LRP2: variants seen among roughly 807,000 people sequenced by gnomAD.
LRP2 encodes the protein low-density lipoprotein receptor-related protein 2.
In LRP2, 172 loss-of-function variants were observed where a neutral mutation model predicts 531.0. The ratio of observed to expected loss-of-function variants is 0.32; its 90% CI spans 0.29 to 0.37. The LOEUF (loss-of-function observed/expected upper bound fraction) is 0.37, where lower values mean the gene tolerates loss of function less well. Among genes scored for constraint, LRP2 ranks in the 10% least tolerant of loss-of-function variants. LRP2 has a pLI of 1.00. For synonymous variants in LRP2, 1,992 were observed against 2,027.6 expected (o/e 0.98, Z 0.47); for missense variants, 5,167 against 5,868.3 (o/e 0.88, Z 3.90).
rs771503315 is a variant in LRP2, at chr2:169,247,430, A to G, written c.2856T>C (p.Ser952=). ...TCAAATGCAGTATGTAAGCAATGCC[A>G]CTTCGGATAACTGTCATTTCTCCAC... ...ADGGEMTVIR[S]GIAYILHLKS... The change falls in exon 20 of 79, where the codon AGT becomes AGC. Residue 952 remains serine, a synonymous_variant. Coordinates refer to ENST00000649046, the MANE Select transcript of LRP2 (RefSeq NM_004525.3). The G allele has an allele frequency of 1.2e-6, 2 of 1,614,138 alleles. No homozygotes were observed. The highest frequency in any genetic ancestry group is 2.2e-5 in the South Asian group (2 of 91,084).
intron 17 of LRP2, among the ~76,000 whole-genome samples, chr2:169,258,388 T>C (rs1183115240): frequency 1.3e-5 from 2 of 152,160 alleles, no homozygotes. Context: ...GGATGTTCCC[T>C]GGGTAATCAG....
chr2:169,270,823 A>G (rs1683392322), intron 16 of LRP2, 81 bp downstream of exon 16: 5 of 820,374 alleles, frequency 6.1e-6, no homozygotes, highest in Non-Finnish European at 9.5e-6. Flanking sequence ...ACTGAGTTTT[A>G]ATTATCAAGT....
chr2:169,171,843 C>A (rs1687015396), intron 58 of LRP2, among the ~76,000 whole-genome samples, 172 bp downstream of exon 58: 1 of 152,166 alleles, frequency 6.6e-6, no homozygotes, highest in Non-Finnish European at 1.5e-5. Flanking sequence ...ATGCTTATGT[C>A]TTTAGTGGAA....
intron 16 of LRP2, among the ~76,000 whole-genome samples, chr2:169,270,170 A>T (rs1683364955): frequency 6.6e-6 from 1 of 152,214 alleles, no homozygotes; most frequent in African/African-American, 2.4e-5. Flanking sequence ...ACTGTAAACT[A>T]GTTCAACCAT....
intron 46 of LRP2, among the ~76,000 whole-genome samples, chr2:169,196,019 G>A (rs1162257665): frequency 4.6e-5 from 7 of 152,132 alleles, no homozygotes; most frequent in Admixed American, 4.6e-4. Flanking sequence ...TAATAATAGA[G>A]GCAGTTAATT....
chr2:169,204,524 A>G (rs1455093264), intron 41 of LRP2, among the ~76,000 whole-genome samples: 6 of 152,242 alleles, frequency 3.9e-5, no homozygotes, highest in African/African-American at 1.4e-4. Flanking sequence ...GGTTGATATT[A>G]GAAACAGGAA....
At chr2:169,135,797 G>T (rs1379239067) in intron 76 of LRP2, among the ~76,000 whole-genome samples, 1 of 152,040 alleles carries the variant, frequency 6.6e-6, no homozygotes, top group Non-Finnish European at 1.5e-5. Flanking sequence ...GACCAACTTG[G>T]ACTGCACCCC....
intron 4 of LRP2, among the ~76,000 whole-genome samples, chr2:169,299,695 G>C (rs1006546095): frequency 6.6e-6 from 1 of 152,002 alleles, no homozygotes; most frequent in Non-Finnish European, 1.5e-5. Context: ...TTAGTGGCAC[G>C]GGGCTACATG....
chr2:169,134,932 A>G (rs949947266), intron 76 of LRP2, among the ~76,000 whole-genome samples: 9 of 152,218 alleles, frequency 5.9e-5, no homozygotes, highest in Non-Finnish European at 1.2e-4. Flanking sequence ...AAAAGCAGCT[A>G]GCGTTCCAAC....
At chr2:169,225,264 C>T in intron 33 of LRP2, 46 bp downstream of exon 33, 1 of 1,590,830 alleles carries the variant, frequency 6.3e-7, no homozygotes, top group Non-Finnish European at 8.6e-7. Flanking sequence ...GAGTTTACAT[C>T]AATCTAAATC....
intron 1 of LRP2, among the ~76,000 whole-genome samples, chr2:169,354,270 G>A (rs955695471): frequency 7.9e-5 from 12 of 152,130 alleles, no homozygotes; most frequent in Non-Finnish European, 1.8e-4. Flanking sequence ...AGATCAGTGA[G>A]GAAAGACTTA....
intron 15 of LRP2, among the ~76,000 whole-genome samples, chr2:169,271,965 T>C (rs371644786): frequency 3.3e-5 from 5 of 152,082 alleles, no homozygotes; most frequent in Middle Eastern, 3.2e-3. Flanking sequence ...AAGACAAAGA[T>C]AAAAATCGCA....
intron 4 of LRP2, among the ~76,000 whole-genome samples, chr2:169,299,538 T>C (rs1234449298): frequency 7.2e-6 from 1 of 138,628 alleles, no homozygotes; most frequent in Admixed American, 7.1e-5. Context: ...CTAAATTCCT[T>C]AAAAAAAAAA....
intron 51 of LRP2, 142 bp downstream of exon 51, chr2:169,182,025 T>G: frequency 9.5e-7 from 1 of 1,050,838 alleles, no homozygotes; most frequent in Non-Finnish European, 1.4e-6. Flanking sequence ...CTCATTACAC[T>G]AAACAATTTA....
At chr2:169,291,880 T>C (rs1173214333) in intron 7 of LRP2, among the ~76,000 whole-genome samples, 2 of 152,220 alleles carry the variant, frequency 1.3e-5, no homozygotes, top group Non-Finnish European at 1.5e-5. Context: ...AATGACATTT[T>C]CCCTATTTTC....
intron 1 of LRP2, among the ~76,000 whole-genome samples, chr2:169,326,042 A>C (rs1283617903): frequency 6.6e-6 from 1 of 152,162 alleles, no homozygotes; most frequent in Admixed American, 6.5e-5. Flanking sequence ...GATTCACTAA[A>C]GCCACAAATA....
chr2:169,299,135 G>GAAAAAAAGAAAGAAAGAA (rs369366511), intron 4 of LRP2, among the ~76,000 whole-genome samples: 2 of 64,214 alleles, frequency 3.1e-5, no homozygotes, highest in African/African-American at 1.1e-4. Context: ...AAGAAAGAAA[G>GAAAAAAAGAAAGAAAGAA]AAAGAAAGAA....
Position 169,216,449 on chromosome 2 carries a change from C to T in LRP2, c.5649-19G>A. ...CAGCTTCCTACAACCATGAAAAACA[C>T]CAGCATGTAACAAAACAGAAGGTGG... On this transcript the variant is annotated intron_variant, in intron 34 of 78. Transcript: ENST00000649046. 1 of 1,612,708 alleles carries T rather than the reference C, an allele frequency of 6.2e-7. No homozygotes were observed. Among genetic ancestry groups the T allele is most frequent in the Non-Finnish European group, 8.5e-7 (1 of 1,179,002 alleles).
chr2:169,209,441 T>C lies in LRP2; in HGVS notation c.6469+12A>G. 1 of 1,612,560 alleles carries C rather than the reference T, an allele frequency of 6.2e-7. No homozygotes were observed. Among genetic ancestry groups the C allele is most frequent in the Non-Finnish European group, 8.5e-7 (1 of 1,178,602 alleles). ...ATGCAAACATATTAAAATCACCATA[T>C]AGCTTACATACCTGCTACCCAATCC... On this transcript the variant is annotated intron_variant, in intron 38 of 78. Coordinates refer to ENST00000649046, the MANE Select transcript of LRP2 (RefSeq NM_004525.3).
Sources: gnomAD v4.1 joint callset for allele counts (sites outside exome capture counted in the v4.1 genomes callset) on GRCh38, gnomAD v4.1.1 for gene constraint, MANE v1.5 for transcripts, NCBI Gene and HGNC (gene_info 2026-07-23, HGNC 2026-07-21) for gene names.